The following SOX5 variants were observed in gnomAD, a reference collection of about 807,000 sequenced individuals.
SOX5 encodes SRY-box transcription factor 5.
A neutral mutation model predicts 92.0 loss-of-function variants in SOX5; 9 were observed. The observed-to-expected ratio is 0.10, with a 90% CI of 0.06 to 0.17. The LOEUF is 0.17. SOX5 is among the 10% of genes least tolerant of loss of function. SOX5 has a pLI of 1.00. For missense variants in SOX5, 642 were observed against 944.5 expected, an observed-to-expected ratio of 0.68 and a Z score of 4.20; for synonymous variants, 344 against 336.3, an observed-to-expected ratio of 1.02 and a Z score of -0.25.
chr12:24,471,984 G>A (rs766997318), intron 1 of SOX5, among the ~76,000 whole-genome samples: 1 of 152,064 alleles, frequency 6.6e-6, no homozygotes, highest in African/African-American at 2.4e-5. Flanking sequence ...ATGTCAACTG[G>A]CACCAAACCA....
At chr12:24,012,576 C>T (rs1195028534) in intron 4 of SOX5, among the ~76,000 whole-genome samples, 2 of 152,114 alleles carry the variant, frequency 1.3e-5, no homozygotes, top group Non-Finnish European at 2.9e-5. Context: ...TCCATGATTA[C>T]AAAACTGTAG....
chr12:24,364,511 CAT>C (rs58135899), intron 2 of SOX5, among the ~76,000 whole-genome samples: 18,956 of 110,286 alleles, frequency 0.17, 1,396 homozygotes, highest in Middle Eastern at 0.29. Flanking sequence ...AACATTTTTT[CAT>C]ATATATATAT....
At chr12:24,185,150 T>C (rs1594048444) in intron 4 of SOX5, among the ~76,000 whole-genome samples, 3 of 152,278 alleles carry the variant, frequency 2.0e-5, no homozygotes, top group Admixed American at 2.0e-4. Flanking sequence ...GGTCTATCTA[T>C]ACCCTTACAC....
chr12:24,456,581 G>A (rs1368052405), intron 1 of SOX5, among the ~76,000 whole-genome samples: 1 of 152,186 alleles, frequency 6.6e-6, no homozygotes, highest in Non-Finnish European at 1.5e-5. Context: ...TCAGTGAAGG[G>A]AATATGCCTG....
intron 3 of SOX5, among the ~76,000 whole-genome samples, chr12:23,769,240 AAG>A (rs1462442873): frequency 2.0e-5 from 3 of 152,152 alleles, no homozygotes; most frequent in Non-Finnish European, 4.4e-5. Context: ...CACCTTTAAA[AAG>A]TACCTGATTT....
intron 1 of SOX5, among the ~76,000 whole-genome samples, chr12:23,924,120 A>C (rs1595686278): frequency 6.6e-6 from 1 of 152,216 alleles, no homozygotes; most frequent in African/African-American, 2.4e-5. Flanking sequence ...TATTTACAGA[A>C]TTGTACCAAG....
intron 1 of SOX5, among the ~76,000 whole-genome samples, chr12:24,551,038 A>G (rs114750969): frequency 1.3e-5 from 2 of 152,286 alleles, no homozygotes; most frequent in African/African-American, 2.4e-5. Context: ...TACCTTAGCA[A>G]ACATTCTTCC....
At chr12:23,958,874 A>G (rs188320119) in intron 4 of SOX5, among the ~76,000 whole-genome samples, 77 of 152,022 alleles carry the variant, frequency 5.1e-4, no homozygotes, top group Non-Finnish European at 8.0e-4. Context: ...ACTGTGGGGA[A>G]CAAAAGTAAT....
rs1465034192 is a variant in SOX5, at chr12:23,674,685, A to AT, written c.811-9122dup. On this transcript the variant is annotated intron_variant, in intron 6 of 14. Coordinates refer to ENST00000451604, the MANE Select transcript of SOX5 (RefSeq NM_006940.6). ...CTAAAATTCTATTATGTCTTAAGAG[A>AT]TTTTTATACCAAGGGTCGCATTTTT... Among the ~76,000 whole-genome samples, 3 of 151,982 alleles carry AT rather than the reference A, an allele frequency of 2.0e-5. 1 individual carries two copies. The highest frequency in any genetic ancestry group is 4.4e-5 in the Non-Finnish European group (3 of 67,986).
At chr12:23,640,388 G>A (rs1424617712) in intron 8 of SOX5, among the ~76,000 whole-genome samples, 1 of 152,204 alleles carries the variant, frequency 6.6e-6, no homozygotes, top group African/African-American at 2.4e-5. Flanking sequence ...AGAGAACAAA[G>A]AGACCTACAG....
At chr12:24,488,673 T>C (rs1253091065) in intron 1 of SOX5, among the ~76,000 whole-genome samples, 1 of 152,182 alleles carries the variant, frequency 6.6e-6, no homozygotes, top group Non-Finnish European at 1.5e-5. Context: ...ATGTTCAATA[T>C]CTAATCTTTT....
chr12:24,537,130 T>C (rs980308893), intron 1 of SOX5, among the ~76,000 whole-genome samples: 1 of 152,192 alleles, frequency 6.6e-6, no homozygotes, highest in African/African-American at 2.4e-5. Context: ...ATTCCTCAAA[T>C]TGGAATAACT....
intron 5 of SOX5, among the ~76,000 whole-genome samples, chr12:23,735,823 T>C (rs2093570205): frequency 1.3e-5 from 2 of 152,348 alleles, no homozygotes; most frequent in South Asian, 4.1e-4. Flanking sequence ...TACTTCTACA[T>C]TTACCTTCTA....
At chr12:24,095,464 A>T (rs1049225664) in intron 4 of SOX5, among the ~76,000 whole-genome samples, 1 of 104,846 alleles carries the variant, frequency 9.5e-6, no homozygotes, top group African/African-American at 3.5e-5. Flanking sequence ...TATTTATTTA[A>T]TTTTATTCTC....
At chr12:23,557,911 G>A (rs918176536) in intron 11 of SOX5, among the ~76,000 whole-genome samples, 1 of 149,940 alleles carries the variant, frequency 6.7e-6, no homozygotes, top group African/African-American at 2.5e-5. Flanking sequence ...TGGAGGCGGA[G>A]CTTGCAGTGA....
chr12:24,552,842 A>C (rs1034202611), intron 1 of SOX5, among the ~76,000 whole-genome samples: 2 of 152,202 alleles, frequency 1.3e-5, no homozygotes, highest in African/African-American at 4.8e-5. Flanking sequence ...TCTACACAAA[A>C]TTTAAAACAA....
chr12:23,539,567 A>C (rs1941446113), intron 13 of SOX5, among the ~76,000 whole-genome samples: 1 of 150,974 alleles, frequency 6.6e-6, no homozygotes, highest in Non-Finnish European at 1.5e-5. Flanking sequence ...TTCGGTGGAA[A>C]GAGGAGTTAG....
intron 1 of SOX5, among the ~76,000 whole-genome samples, chr12:24,401,545 A>G (rs1219483196): frequency 2.0e-5 from 3 of 151,462 alleles, no homozygotes; most frequent in Non-Finnish European, 4.4e-5. Context: ...CCTCGTCTCT[A>G]CAAAACATTA....
At chr12:24,346,217 A>AT (rs572379012) in intron 2 of SOX5, among the ~76,000 whole-genome samples, 17 of 152,310 alleles carry the variant, frequency 1.1e-4, no homozygotes, top group Admixed American at 9.2e-4. Context: ...ATTACTGATA[A>AT]TCTGAGACAA....
Sources: gnomAD v4.1 joint callset for allele counts (sites outside exome capture counted in the v4.1 genomes callset) on GRCh38, gnomAD v4.1.1 for gene constraint, MANE v1.5 for transcripts, NCBI Gene and HGNC (gene_info 2026-07-23, HGNC 2026-07-21) for gene names.